The following LRRC36 variants were observed in gnomAD, a reference collection of about 807,000 sequenced individuals.
LRRC36 encodes the protein leucine-rich repeat-containing protein 36.
Under a neutral mutation model 81.1 loss-of-function variants are expected in LRRC36, and 62 were observed. The ratio of observed to expected loss-of-function variants is 0.76; its 90% CI spans 0.62 to 0.94. The LOEUF (loss-of-function observed/expected upper bound fraction) is 0.94. Ranked by LOEUF, LRRC36 falls within the 40% of genes least tolerant of loss-of-function variation. The pLI, the probability that LRRC36 is intolerant of heterozygous loss-of-function variation, is 0.00. For synonymous variants in LRRC36, 334 were observed against 348.6 expected (o/e 0.96, Z 0.47); for missense variants, 761 against 881.7 (o/e 0.86, Z 1.73).
intron 12 of LRRC36, among the ~76,000 whole-genome samples, chr16:67,379,391 G>T (rs938178943): frequency 3.3e-5 from 5 of 151,854 alleles, no homozygotes; most frequent in African/African-American, 1.2e-4. Context: ...ATCCAGCCTG[G>T]GTGAAAGAGA....
At chr16:67,333,516 A>G (rs1597420598) in intron 1 of LRRC36, among the ~76,000 whole-genome samples, 1 of 152,190 alleles carries the variant, frequency 6.6e-6, no homozygotes, top group Admixed American at 6.6e-5. Flanking sequence ...ATAGTTCCAG[A>G]ACATTTTCAT....
At chr16:67,372,864 G>A (rs1597494439) in intron 9 of LRRC36, among the ~76,000 whole-genome samples, 1 of 152,056 alleles carries the variant, frequency 6.6e-6, no homozygotes, top group Admixed American at 6.6e-5. Flanking sequence ...GCACCAAAGG[G>A]GGCAGTCTTG....
chr16:67,365,093 C>T, intron 6 of LRRC36: 2 of 515,504 alleles, frequency 3.9e-6, no homozygotes, highest in Non-Finnish European at 6.9e-6. Flanking sequence ...TCCTTTACTT[C>T]CTAAGGATAT....
intron 8 of LRRC36, 144 bp from the exon 9 acceptor site, chr16:67,370,800 C>A: frequency 1.5e-6 from 1 of 671,204 alleles, no homozygotes. Flanking sequence ...TAGATTTAAC[C>A]AGAGTTGGAG....
At chr16:67,380,429 T>C (rs1316813782) in intron 12 of LRRC36, among the ~76,000 whole-genome samples, 1 of 152,240 alleles carries the variant, frequency 6.6e-6, no homozygotes, top group East Asian at 1.9e-4. Flanking sequence ...AAATCTTGAT[T>C]GTACTACTTT....
At chr16:67,378,528 C>A in intron 11 of LRRC36, 61 bp from the exon 12 acceptor site, 1 of 1,546,996 alleles carries the variant, frequency 6.5e-7, no homozygotes, top group Non-Finnish European at 8.9e-7. Flanking sequence ...GCGTGAGCCA[C>A]GGCACCCAGC....
chr16:67,367,435 A>C lies in LRRC36; in HGVS notation c.1173A>C (p.Gly391=). ...TSLSNPDSST[G]RLLKLSSDLY... Reference sequence around the variant, plus strand: ...TGTCAAACCCTGACTCCAGCACTGGAAGGCTTTTGAAGCTTAGTTCAGGTA... The same window carrying C: ...TGTCAAACCCTGACTCCAGCACTGGCAGGCTTTTGAAGCTTAGTTCAGGTA... Residue 391 remains glycine, a synonymous_variant, in exon 8 of 14, where the codon GGA becomes GGC. Transcript: ENST00000329956. 6.2e-7 allele frequency: 1 copy of C among 1,612,598 alleles called. No homozygotes were observed. Among genetic ancestry groups the C allele is most frequent in the Non-Finnish European group, 8.5e-7 (1 of 1,179,422 alleles).
At chr16:67,369,374 A>G (rs1021931281) in intron 8 of LRRC36, among the ~76,000 whole-genome samples, 2 of 152,198 alleles carry the variant, frequency 1.3e-5, no homozygotes, top group African/African-American at 4.8e-5. Context: ...GGAGTGATCA[A>G]TGCTAGGTCA....
At chr16:67,328,662 T>C (rs1436625536) in intron 1 of LRRC36, among the ~76,000 whole-genome samples, 1 of 152,212 alleles carries the variant, frequency 6.6e-6, no homozygotes, top group East Asian at 1.9e-4. Flanking sequence ...TCTACATATA[T>C]AAGCATTTAT....
Position 67,382,165 on chromosome 16 carries a change from A to G in LRRC36, c.1963A>G (p.Met655Val), listed in dbSNP as rs2040135518. 1 of 1,614,072 alleles carries G rather than the reference A, an allele frequency of 6.2e-7. No homozygotes were observed. The highest frequency in any genetic ancestry group is 8.5e-7 in the Non-Finnish European group (1 of 1,179,966). Residue 655 changes from methionine (M) to valine (V), a missense_variant, in exon 13 of 14, where the codon ATG becomes GTG. Physicochemically the swap from Met to Val is conservative, Grantham distance 21 (BLOSUM62 1). This residue lies in a region of LRRC36 where 359 missense variants were observed against 388.4 expected (regional missense o/e 0.92). Transcript: ENST00000329956. ...TCTGCACAAAAACCAACAGCTGACC[A>G]TGCAGGTGGCTTGCCTGAACCAGGA... ...DLLHKNQQLT[M>V]QVACLNQELA... is the part of the protein sequence containing the mutation.
chr16:67,366,673 C>G lies in LRRC36; in HGVS notation c.755-344C>G, dbSNP rs541471719. Among the ~76,000 whole-genome samples the G allele has an allele frequency of 9.9e-5, 15 of 151,846 alleles. 1 individual carries two copies. The highest frequency in any genetic ancestry group is 3.6e-4 in the African/African-American group (15 of 41,330). ...GCTGAGGTACGAGAATCGCTTCCCT[C>G]TGGGAAGCGAAGGTTGCACTGAGCT... On this transcript the variant is annotated intron_variant, in intron 7 of 13. Coordinates refer to ENST00000329956, the MANE Select transcript of LRRC36 (RefSeq NM_018296.6).
chr16:67,360,459 G>T (rs1397685772), intron 5 of LRRC36, among the ~76,000 whole-genome samples: 1 of 152,222 alleles, frequency 6.6e-6, no homozygotes, highest in East Asian at 1.9e-4. Context: ...CAGGATAAGA[G>T]TAAGAGGAGC....
chr16:67,331,677 C>T (rs1049732056), intron 1 of LRRC36, among the ~76,000 whole-genome samples: 3 of 152,220 alleles, frequency 2.0e-5, no homozygotes, highest in South Asian at 4.1e-4. Flanking sequence ...TTCAAGTTGA[C>T]TCCTGAGGTC....
rs1369044022 is a variant in LRRC36 at position 67,363,647 on chromosome 16, G to T, written c.635G>T (p.Ser212Ile). The T allele has an allele frequency of 5.6e-6, 9 of 1,613,898 alleles. No homozygotes were observed. In the South Asian group the frequency reaches 9.9e-5, roughly 18 times the overall value. The change falls in exon 6 of 14, where the codon AGT becomes ATT. Residue 212 changes from serine (S) to isoleucine (I), a missense_variant. Physicochemically the swap from Ser to Ile is moderately radical, Grantham distance 142. Coordinates refer to ENST00000329956, the MANE Select transcript of LRRC36 (RefSeq NM_018296.6). ...FPNREIKDSLSTSATQGNGTR... is the reference protein window; with the variant it reads ...FPNREIKDSLITSATQGNGTR... ...AACCGGGAAATAAAGGATTCCCTAA[G>T]TACTTCTGCAACTCAGGGCAATGGT...
At chr16:67,361,415 T>A (rs1261993206) in intron 5 of LRRC36, among the ~76,000 whole-genome samples, 6 of 152,202 alleles carry the variant, frequency 3.9e-5, no homozygotes, top group Non-Finnish European at 8.8e-5. Context: ...TATTTTTACT[T>A]TTTATTTTTA....
intron 5 of LRRC36, among the ~76,000 whole-genome samples, chr16:67,354,847 A>G (rs1434503652): frequency 6.6e-6 from 1 of 152,218 alleles, no homozygotes; most frequent in African/African-American, 2.4e-5. Flanking sequence ...AACGACATGT[A>G]TCTACTGTTG....
At chr16:67,362,158 G>A (rs2039179279) in intron 5 of LRRC36, 1 of 452,988 alleles carries the variant, frequency 2.2e-6, no homozygotes, top group Non-Finnish European at 4.4e-6. Context: ...AATACGTTTT[G>A]TTTTGTTTTG....
At position 67,348,859 on chromosome 16, in the gene LRRC36, T is replaced by A. The variant is rs146798179; in HGVS notation, c.488+1268T>A. Among the ~76,000 whole-genome samples the A allele has an allele frequency of 2.4e-3, 366 of 152,252 alleles. 2 individuals are homozygous for A. Among genetic ancestry groups the A allele is most frequent in the Middle Eastern group, 0.01 (3 of 294 alleles). ...TGTATTGAATGATGAATGAATGAGGTCAGTGCCTATTGGCCTGAGATCCTT... is the reference window on the plus strand; with the variant it reads ...TGTATTGAATGATGAATGAATGAGGACAGTGCCTATTGGCCTGAGATCCTT... On this transcript the variant is annotated intron_variant, in intron 4 of 13. Transcript: ENST00000329956.
At chr16:67,376,180 C>T (rs1483376947) in intron 10 of LRRC36, among the ~76,000 whole-genome samples, 4 of 151,996 alleles carry the variant, frequency 2.6e-5, no homozygotes, top group African/African-American at 9.7e-5. Flanking sequence ...TAGTGGTGTG[C>T]GCCTGTAATC....
Sources: allele counts gnomAD v4.1 joint callset (sites outside exome capture counted in the v4.1 genomes callset), GRCh38; gene constraint gnomAD v4.1.1; regional missense constraint gnomAD v4.1.1; transcripts MANE v1.5; gene names NCBI Gene and HGNC (gene_info 2026-07-23, HGNC 2026-07-21).